INTS3: variants seen among roughly 807,000 people sequenced by gnomAD.
INTS3 encodes SOSS complex subunit A.
Under a neutral mutation model 146.3 loss-of-function variants are expected in INTS3, and 34 were observed. That is an observed-to-expected ratio of 0.23 (90% CI 0.18 to 0.31). INTS3 has a LOEUF of 0.31. Ranked by LOEUF, INTS3 falls within the 10% of genes least tolerant of loss-of-function variation. The pLI is 1.00. For synonymous variants in INTS3, 475 were observed against 494.9 expected (o/e 0.96, Z 0.53); for missense variants, 757 against 1,304.2 (o/e 0.58, Z 6.46).
chr1:153,760,662 A>G, intron 12 of INTS3, 165 bp from the exon 13 acceptor site: 1 of 658,758 alleles, frequency 1.5e-6, no homozygotes, highest in Admixed American at 2.8e-5. Flanking sequence ...TCCAGTAAGA[A>G]TTTCTCATTT....
At chr1:153,736,171 T>C (rs1371567544) in intron 1 of INTS3, among the ~76,000 whole-genome samples, 1 of 152,198 alleles carries the variant, frequency 6.6e-6, no homozygotes, top group African/African-American at 2.4e-5. Flanking sequence ...TAGCTCAGCC[T>C]TCATGTGACC....
intron 21 of INTS3, among the ~76,000 whole-genome samples, chr1:153,768,372 C>T (rs1039923897): frequency 1.3e-5 from 2 of 152,190 alleles, no homozygotes; most frequent in Non-Finnish European, 2.9e-5. Context: ...TGATCTCAGC[C>T]GAGTACTGGA....
chr1:153,740,803 G>C (rs1208039292), intron 2 of INTS3, 69 bp downstream of exon 2: 1 of 1,257,534 alleles, frequency 8.0e-7, no homozygotes, highest in Non-Finnish European at 1.2e-6. Context: ...TCAAAAAGAT[G>C]GAAAGACTAA....
At chr1:153,754,822 T>TAGTGGC (rs1425339412) in intron 9 of INTS3, 83 bp downstream of exon 9, 5 of 881,798 alleles carry the variant, frequency 5.7e-6, no homozygotes, top group Non-Finnish European at 9.7e-6. Context: ...TTACCATTGT[T>TAGTGGC]TACTAACCAG....
At chr1:153,752,532 G>A (rs1177940476) in intron 8 of INTS3, 124 bp downstream of exon 8, 1 of 983,236 alleles carries the variant, frequency 1.0e-6, no homozygotes. Context: ...TAGGAAGCCT[G>A]GGACAGGGCA....
intron 3 of INTS3, among the ~76,000 whole-genome samples, chr1:153,742,664 G>A (rs572077557): frequency 8.5e-5 from 13 of 152,156 alleles, no homozygotes; most frequent in Admixed American, 7.9e-4. Context: ...CTAAGTGAAG[G>A]GGGCAGAGTA....
At chr1:153,737,683 G>C (rs1671354371) in intron 1 of INTS3, among the ~76,000 whole-genome samples, 1 of 152,172 alleles carries the variant, frequency 6.6e-6, no homozygotes, top group East Asian at 1.9e-4. Flanking sequence ...ATTTTTAGTA[G>C]AGACGGGGTT....
rs1672256935 is a variant in INTS3 at position 153,758,700 on chromosome 1, A to C, written c.1150-826A>C. On this transcript the variant is annotated intron_variant, in intron 10 of 29. Coordinates refer to ENST00000318967, the MANE Select transcript of INTS3 (RefSeq NM_023015.5). Reference sequence around the variant, plus strand: ...GGTGTGCGGCTGTAGTCCCAGGCTGAGGTGAGAGGACCGCTTGAGCCTGGG... The same window carrying C: ...GGTGTGCGGCTGTAGTCCCAGGCTGCGGTGAGAGGACCGCTTGAGCCTGGG... Among the ~76,000 whole-genome samples, 3 of 151,662 alleles carry C rather than the reference A, an allele frequency of 2.0e-5. No homozygotes were observed. In the South Asian group the frequency reaches 6.2e-4, roughly 31 times the overall value.
Position 153,770,296 on chromosome 1 carries a change from C to T in INTS3, c.2488C>T (p.His830Tyr). The change falls in exon 24 of 30, where the codon CAC becomes TAC. Residue 830 changes from histidine (H) to tyrosine (Y), a missense_variant. Physicochemically the swap from His to Tyr is moderately conservative, Grantham distance 83 (BLOSUM62 2). Coordinates refer to ENST00000318967, the MANE Select transcript of INTS3 (RefSeq NM_023015.5). ...GGAGACCATAATCCCCATCCTGCAGCACCTCAAATACAAGGGTGAGTAGGC... is the reference window on the plus strand; with the variant it reads ...GGAGACCATAATCCCCATCCTGCAGTACCTCAAATACAAGGGTGAGTAGGC... ...PLETIIPILQ[H>Y]LKYKEHPEAL... 6.8e-6 allele frequency: 11 copies of T among 1,606,144 alleles called. No individual in the cohort carries two copies. Among genetic ancestry groups the T allele is most frequent in the Non-Finnish European group, 9.4e-6 (11 of 1,172,742 alleles).
At chr1:153,760,079 G>C in intron 11 of INTS3, 1 of 577,672 alleles carries the variant, frequency 1.7e-6, no homozygotes. Flanking sequence ...GAAACAGACT[G>C]ACTTTAGCCT....
At chr1:153,742,478 C>CTCTGTGTGTGTGTGTG (rs146023592) in intron 3 of INTS3, among the ~76,000 whole-genome samples, 5 of 147,550 alleles carry the variant, frequency 3.4e-5, no homozygotes, top group African/African-American at 1.3e-4. Flanking sequence ...TTTTTAATCT[C>CTCTGTGTGTGTGTGTG]TGTGTGTGTG....
rs968939849 is a variant in INTS3 at position 153,772,287 on chromosome 1, G to A, written c.2721-53G>A. 10 of 1,582,074 alleles carry A rather than the reference G, an allele frequency of 6.3e-6. No homozygotes were observed. Among genetic ancestry groups the A allele is most frequent in the Admixed American group, 1.7e-5 (1 of 58,640 alleles). On this transcript the variant is annotated intron_variant, in intron 26 of 29. Transcript: ENST00000318967. This position sits in a 1 kb window ranked among gnomAD's most constrained non-coding sequence, Gnocchi z 4.6. ...GGCCCTGGCGGGTGGAGGGTGTCTCGCACTCTGGAACCCTCCCACACTCAG... is the reference window on the plus strand; with the variant it reads ...GGCCCTGGCGGGTGGAGGGTGTCTCACACTCTGGAACCCTCCCACACTCAG...
chr1:153,745,082 A>G (rs1230110122), intron 3 of INTS3, among the ~76,000 whole-genome samples: 1 of 151,018 alleles, frequency 6.6e-6, no homozygotes, highest in Non-Finnish European at 1.5e-5. Flanking sequence ...AGTAATATAT[A>G]CATATATATA....
intron 10 of INTS3, among the ~76,000 whole-genome samples, chr1:153,759,115 C>A (rs1412151497): frequency 1.3e-5 from 2 of 151,528 alleles, no homozygotes; most frequent in Non-Finnish European, 2.9e-5. Flanking sequence ...AGACCCTCAT[C>A]TCTACAAAAA....
chr1:153,762,981 T>TCTCATCCA, intron 15 of INTS3, 134 bp downstream of exon 15: 1 of 1,221,696 alleles, frequency 8.2e-7, no homozygotes, highest in Non-Finnish European at 1.2e-6. Context: ...GGTATCTGGA[T>TCTCATCCA]GAGACTCCAG....
At chr1:153,744,017 C>T (rs1305090401) in intron 3 of INTS3, among the ~76,000 whole-genome samples, 1 of 149,138 alleles carries the variant, frequency 6.7e-6, no homozygotes, top group Non-Finnish European at 1.5e-5. Flanking sequence ...TTCTCTTTTC[C>T]TCACTGAGGG....
In INTS3 at chr1:153,772,278, G is replaced by A; in HGVS notation, c.2721-62G>A. 1 of 1,564,202 alleles carries A rather than the reference G, an allele frequency of 6.4e-7. No individual in the cohort carries two copies. The highest frequency in any genetic ancestry group is 8.7e-7 in the Non-Finnish European group (1 of 1,146,856). ...TCTTAAGGGGGCCCTGGCGGGTGGA[G>A]GGTGTCTCGCACTCTGGAACCCTCC... On this transcript the variant is annotated intron_variant, in intron 26 of 29. Coordinates refer to ENST00000318967, the MANE Select transcript of INTS3 (RefSeq NM_023015.5). This position sits in a 1 kb window ranked among gnomAD's most constrained non-coding sequence, Gnocchi z 4.6.
chr1:153,763,267 G>A lies in INTS3; in HGVS notation c.1671G>A (p.Lys557=). The change falls in exon 16 of 30, where the codon AAG becomes AAA. Residue 557 remains lysine, a synonymous_variant. Coordinates refer to ENST00000318967, the MANE Select transcript of INTS3 (RefSeq NM_023015.5). ...GGGAGTTTCGCTTCCACCCTATCAAGGAGACAGTTGTGGAGGAGCCAGTTG... is the reference window on the plus strand; with the variant it reads ...GGGAGTTTCGCTTCCACCCTATCAAAGAGACAGTTGTGGAGGAGCCAGTTG... ...KKREFRFHPI[K]ETVVEEPVDI... is the part of the protein sequence containing the mutation. 1.9e-6 allele frequency: 3 copies of A among 1,614,198 alleles called. No individual in the cohort carries two copies. In the Admixed American group the frequency reaches 5.0e-5, roughly 27 times the overall value.
chr1:153,770,659 G>C (rs756592310), intron 24 of INTS3, 26 bp from the exon 25 acceptor site: 16 of 1,606,194 alleles, frequency 1.0e-5, no homozygotes, highest in Non-Finnish European at 1.4e-5. Context: ...CCTTCCCCCT[G>C]AACAGCCTCT....
Sources: gnomAD v4.1 joint callset for allele counts (sites outside exome capture counted in the v4.1 genomes callset) on GRCh38, gnomAD v4.1.1 for gene constraint, Gnocchi (gnomAD v3.1) non-coding constraint, MANE v1.5 for transcripts, NCBI Gene and HGNC (gene_info 2026-07-23, HGNC 2026-07-21) for gene names.